ZFHX3: variants seen among roughly 807,000 people sequenced by gnomAD.
ZFHX3 encodes zinc finger homeobox protein 3.
In ZFHX3, 42 loss-of-function variants were observed where a neutral mutation model predicts 279.1. The ratio of observed to expected loss-of-function variants is 0.15; its 90% CI spans 0.12 to 0.19. ZFHX3 has a LOEUF of 0.19. Ranked by LOEUF, ZFHX3 falls within the 10% of genes least tolerant of loss-of-function variation. The probability of loss-of-function intolerance (pLI) is 1.00; values close to 1 mark genes in which losing one functional copy is unlikely to be tolerated. For missense variants in ZFHX3, 4,981 were observed against 4,754.0 expected, an observed-to-expected ratio of 1.05 and a Z score of -1.40; for synonymous variants, 2,293 against 1,957.8, an observed-to-expected ratio of 1.17 and a Z score of -4.52.
At chr16:72,963,147 C>T (rs755725381) in intron 1 of ZFHX3, among the ~76,000 whole-genome samples, 12 of 152,246 alleles carry the variant, frequency 7.9e-5, no homozygotes, top group South Asian at 2.1e-4. Flanking sequence ...AGTGGGTCCC[C>T]GCACTTTTCC....
At position 72,785,484 on chromosome 16, in the gene ZFHX3, C is replaced by T. The variant is rs2035326925; in HGVS notation, c.*1680G>A. On this transcript the variant is annotated 3_prime_UTR_variant, in exon 10 of 10. Transcript: ENST00000268489. ...TGCTTGCAGAAGAAGCACATAACAA[C>T]CTGGGAATCTTTTGTTTTTCTCTTT... 6.6e-6 allele frequency: 1 copy of T among 152,608 alleles called. No homozygotes were observed. Among genetic ancestry groups the T allele is most frequent in the African/African-American group, 2.4e-5 (1 of 41,446 alleles). 9.5% of individuals were successfully genotyped at this position (152,608 alleles called of 1,614,324 possible). A position where few individuals can be genotyped will look rare whatever the true frequency, so the allele number is the denominator to read the frequency against.
chr16:73,784,796 A>AAAAAAAAATAT (rs56734827), intron 1 of ZFHX3, among the ~76,000 whole-genome samples: 1 of 131,082 alleles, frequency 7.6e-6, no homozygotes, highest in Non-Finnish European at 1.6e-5. Context: ...TAAAAAAAAA[A>AAAAAAAAATAT]ATATATATAT....
intron 2 of ZFHX3, among the ~76,000 whole-genome samples, chr16:73,575,444 C>T (rs547265591): frequency 3.9e-5 from 6 of 152,218 alleles, no homozygotes; most frequent in South Asian, 2.1e-4. Flanking sequence ...ACAGGGTCCA[C>T]GAGAACAGGT....
chr16:72,902,557 A>T (rs989847817), intron 3 of ZFHX3, among the ~76,000 whole-genome samples: 2 of 152,222 alleles, frequency 1.3e-5, no homozygotes, highest in Non-Finnish European at 1.5e-5. Context: ...AAATAGATTA[A>T]CAGAAAACAA....
chr16:72,851,483 A>C (rs1321831258), intron 4 of ZFHX3, among the ~76,000 whole-genome samples: 1 of 152,076 alleles, frequency 6.6e-6, no homozygotes, highest in Non-Finnish European at 1.5e-5. Context: ...TACAGTATTA[A>C]TATAATGGTG....
At chr16:73,414,316 C>T (rs12930618) in intron 3 of ZFHX3, among the ~76,000 whole-genome samples, 46,244 of 152,128 alleles carry the variant, frequency 0.3, 8,933 homozygotes, top group Non-Finnish European at 0.44. Context: ...CACAGATTAT[C>T]GACCACCTAC....
At chr16:73,844,826 T>A (rs1260667357) in intron 1 of ZFHX3, among the ~76,000 whole-genome samples, 1 of 150,234 alleles carries the variant, frequency 6.7e-6, no homozygotes, top group Non-Finnish European at 1.5e-5. Context: ...AGACAGATGG[T>A]AGACGGATGG....
At chr16:73,842,089 G>A (rs558851961) in intron 1 of ZFHX3, among the ~76,000 whole-genome samples, 14 of 151,970 alleles carry the variant, frequency 9.2e-5, no homozygotes, top group African/African-American at 1.7e-4. Context: ...GGTGGCGCAC[G>A]CCTGTAATCC....
intron 7 of ZFHX3, among the ~76,000 whole-genome samples, chr16:73,119,861 C>T (rs149845133): frequency 2.6e-5 from 4 of 151,984 alleles, no homozygotes; most frequent in African/African-American, 9.6e-5. Context: ...TTTATTTTTA[C>T]ATTTTTTGTT....
chr16:73,473,339 C>CAAAAAAAAAAAAAAAAAAAAA (rs11347779), intron 2 of ZFHX3, among the ~76,000 whole-genome samples: 18 of 76,650 alleles, frequency 2.3e-4, no homozygotes, highest in African/African-American at 3.5e-4. Flanking sequence ...TGTCTCAAAG[C>CAAAAAAAAAAAAAAAAAAAAA]AAAAAAAAAA....
chr16:73,646,497 T>C (rs1021074831), intron 2 of ZFHX3, among the ~76,000 whole-genome samples: 1 of 151,722 alleles, frequency 6.6e-6, no homozygotes, highest in Non-Finnish European at 1.5e-5. Flanking sequence ...AGAAAGCAGA[T>C]TGATGAAAAT....
chr16:72,866,207 G>T (rs1021447303), intron 4 of ZFHX3, among the ~76,000 whole-genome samples: 2 of 152,180 alleles, frequency 1.3e-5, no homozygotes, highest in African/African-American at 4.8e-5. Flanking sequence ...GAGGGAGAGT[G>T]AGAGCAGTAG....
At chr16:73,043,940 G>A (rs191902826) in intron 1 of ZFHX3, among the ~76,000 whole-genome samples, 1 of 152,290 alleles carries the variant, frequency 6.6e-6, no homozygotes, top group African/African-American at 2.4e-5. Context: ...GCTTGCCAAT[G>A]AGCCAAGATT....
chr16:73,274,174 A>C (rs2014231588), intron 4 of ZFHX3, among the ~76,000 whole-genome samples: 3 of 152,200 alleles, frequency 2.0e-5, no homozygotes, highest in Admixed American at 6.5e-5. Flanking sequence ...GTTATTACCA[A>C]ATTGCCTTGC....
intron 1 of ZFHX3, among the ~76,000 whole-genome samples, chr16:73,771,161 C>A (rs1020547798): frequency 6.6e-6 from 1 of 152,176 alleles, no homozygotes; most frequent in Non-Finnish European, 1.5e-5. Context: ...TCAGAAAGTC[C>A]TTAGAAAACA....
At chr16:72,882,811 C>G (rs1163544525) in intron 4 of ZFHX3, among the ~76,000 whole-genome samples, 3 of 152,116 alleles carry the variant, frequency 2.0e-5, no homozygotes, top group Non-Finnish European at 4.4e-5. Context: ...TGCCTGGTAT[C>G]GACGTAATTT....
intron 2 of ZFHX3, among the ~76,000 whole-genome samples, chr16:73,540,930 T>C (rs933994164): frequency 9.9e-5 from 15 of 152,248 alleles, no homozygotes; most frequent in Non-Finnish European, 7.4e-5. Context: ...TGTAGGGATT[T>C]TGGACCCAGG....
chr16:73,170,543 C>T (rs970940615), intron 5 of ZFHX3, among the ~76,000 whole-genome samples: 1 of 152,060 alleles, frequency 6.6e-6, no homozygotes, highest in African/African-American at 2.4e-5. Flanking sequence ...ACTAGTTACT[C>T]TGATGCAGGT....
At chr16:73,374,685 T>C (rs937747746) in intron 3 of ZFHX3, among the ~76,000 whole-genome samples, 2 of 152,244 alleles carry the variant, frequency 1.3e-5, no homozygotes, top group African/African-American at 4.8e-5. Context: ...TCTTTTTAAG[T>C]CTCTTTAATC....
Sources: gnomAD v4.1 joint callset for allele counts (sites outside exome capture counted in the v4.1 genomes callset) on GRCh38, gnomAD v4.1.1 for gene constraint, MANE v1.5 for transcripts, NCBI Gene and HGNC (gene_info 2026-07-23, HGNC 2026-07-21) for gene names.